The following DAPK3 variants were observed in gnomAD, a reference collection of about 807,000 sequenced individuals.
DAPK3 encodes death-associated protein kinase 3.
DAPK3 carries 24 observed loss-of-function variants against 30.6 expected under a neutral mutation model. The observed-to-expected ratio is 0.78, with a 90% CI of 0.57 to 1.10. The LOEUF (loss-of-function observed/expected upper bound fraction) is 1.10, where lower values mean the gene tolerates loss of function less well. Among genes scored for constraint, DAPK3 ranks in the 50% least tolerant of loss-of-function variants. The probability of loss-of-function intolerance (pLI) is 0.00; values close to 1 mark genes in which losing one functional copy is unlikely to be tolerated. For missense variants in DAPK3, 629 were observed against 657.3 expected (o/e 0.96, Z 0.47); for synonymous variants, 341 against 284.0 (o/e 1.20, Z -2.02).
At position 3,964,974 on chromosome 19, in the gene DAPK3, A is replaced by ACGAT. The variant is rs777906747; in HGVS notation, c.76_79dup (p.Val27AspfsTer78). The ACGAT allele has an allele frequency of 6.2e-6, 10 of 1,602,558 alleles. No homozygotes were observed. The highest frequency in any genetic ancestry group is 3.3e-5 in the South Asian group (3 of 90,882). ...CGTGCCCTTCTGCCGGCACTTCCGCACGATCGCAAACTGGCCGCTGGAGGA... is the reference window on the plus strand; with the variant it reads ...CGTGCCCTTCTGCCGGCACTTCCGCACGATCGATCGCAAACTGGCCGCTGGAGGA... On this transcript the variant is annotated frameshift_variant, in exon 3 of 9. Coordinates refer to ENST00000545797, the MANE Select transcript of DAPK3 (RefSeq NM_001348.3). LOFTEE classifies it high-confidence loss of function.
At chr19:3,959,745 C>A (rs945824421) in intron 8 of DAPK3, 108 bp from the exon 9 acceptor site, 3 of 1,276,540 alleles carry the variant, frequency 2.4e-6, no homozygotes, top group Non-Finnish European at 2.1e-6. Flanking sequence ...GCAGCAGAGT[C>A]AACGCCTCGT....
At chr19:3,959,790 G>A (rs2039484041) in intron 8 of DAPK3, 153 bp from the exon 9 acceptor site, 3 of 920,398 alleles carry the variant, frequency 3.3e-6, no homozygotes, top group Non-Finnish European at 4.8e-6. Context: ...AAAGCCGAGA[G>A]TGCTCTCTCG....
At chr19:3,964,125 G>T in intron 4 of DAPK3, 119 bp downstream of exon 4, 9 of 975,766 alleles carry the variant, frequency 9.2e-6, no homozygotes, top group Admixed American at 2.4e-5. Context: ...GGGCCCAAGA[G>T]GGGTGGCTTC....
intron 7 of DAPK3, 137 bp downstream of exon 7, chr19:3,960,872 C>T (rs1429305351): frequency 2.4e-6 from 2 of 834,186 alleles, no homozygotes; most frequent in Non-Finnish European, 3.7e-6. Context: ...TTTACTCTCT[C>T]CAGCCCAAGG....
At chr19:3,959,987 G>A in intron 8 of DAPK3, 72 bp downstream of exon 8, 2 of 880,586 alleles carry the variant, frequency 2.3e-6, no homozygotes, top group Non-Finnish European at 3.9e-6. Context: ...CTTAAATGCT[G>A]AAGGCCCCCC....
chr19:3,960,915 G>A, intron 7 of DAPK3, 94 bp downstream of exon 7: 2 of 1,336,348 alleles, frequency 1.5e-6, no homozygotes, highest in Admixed American at 1.8e-5. Context: ...GCCGCAGGGA[G>A]GTGGCGCTGG....
chr19:3,964,182 C>G (rs2039549071), intron 4 of DAPK3, 62 bp downstream of exon 4: 1 of 1,445,186 alleles, frequency 6.9e-7, no homozygotes, highest in Non-Finnish European at 9.5e-7. Context: ...CCACCCCACG[C>G]ACAGCAGGCA....
At chr19:3,970,593 C>G (rs907157132) in intron 1 of DAPK3, 4 of 152,432 alleles carry the variant, frequency 2.6e-5, no homozygotes, top group Non-Finnish European at 5.9e-5. Flanking sequence ...CCCCCGCTGA[C>G]CTCCACTGTC....
At chr19:3,965,134 G>C (rs2039564221) in intron 2 of DAPK3, 143 bp from the exon 3 acceptor site, 3 of 608,708 alleles carry the variant, frequency 4.9e-6, no homozygotes, top group East Asian at 2.7e-5. Flanking sequence ...GCCACTGCGG[G>C]GGTGCAGACT....
rs2039628211 is a variant in DAPK3 at position 3,971,019 on chromosome 19, T to C, written c.-193A>G. The C allele has an allele frequency of 6.5e-6, 1 of 153,144 alleles. No individual in the cohort carries two copies. The highest frequency in any genetic ancestry group is 1.9e-4 in the South Asian group (1 of 5,362). 9.5% of individuals were successfully genotyped at this position (153,144 alleles called of 1,614,324 possible). A position where few individuals can be genotyped will look rare whatever the true frequency, so the allele number is the denominator to read the frequency against. ...CCAGCCTCGGCCCGAGCCCGCTCTT[T>C]ACCCTCCGCAGCCCGGAGAATACGG... On this transcript the variant is annotated 5_prime_UTR_variant, in exon 1 of 9. Transcript: ENST00000545797.
chr19:3,961,287 A>C, intron 6 of DAPK3, 126 bp from the exon 7 acceptor site: 1 of 776,774 alleles, frequency 1.3e-6, no homozygotes, highest in East Asian at 2.6e-5. Flanking sequence ...GGCCACTCAC[A>C]CTCCTGAGCC....
At position 3,959,314 on chromosome 19, in the gene DAPK3, CTCCTGCCGTAGCCTCCGCAGG is replaced by C; in HGVS notation, c.1131_1151del (p.Asp377_Gln383del). 1 of 1,593,954 alleles carries C rather than the reference CTCCTGCCGTAGCCTCCGCAGG, an allele frequency of 6.3e-7. No homozygotes were observed. The highest frequency in any genetic ancestry group is 8.5e-7 in the Non-Finnish European group (1 of 1,177,272). ...GCTTGAGCGCCTCGGTCTTGAGCAGCTCCTGCCGTAGCCTCCGCAGGTCCTGGCCCAGGCTGTCGCTCTCCT... is the reference window on the plus strand; with the variant it reads ...GCTTGAGCGCCTCGGTCTTGAGCAGCTCCTGGCCCAGGCTGTCGCTCTCCT... On this transcript the variant is annotated inframe_deletion, in exon 9 of 9. Transcript: ENST00000545797.
At chr19:3,964,540 C>A in intron 3 of DAPK3, 91 bp downstream of exon 3, 2 of 1,442,776 alleles carry the variant, frequency 1.4e-6, no homozygotes, top group South Asian at 2.5e-5. Context: ...ACCTCACCCC[C>A]ACGCGCAGGA....
chr19:3,971,089 GCGCCCCTGCCGCCGCGA>G (rs1568195421), exon 1 of DAPK3: 1 of 153,492 alleles, frequency 6.5e-6, no homozygotes, highest in Non-Finnish European at 1.5e-5. Flanking sequence ...CAGAAGCCCC[GCGCCCCTGCCGCCGCGA>G]CGCGCCTGCG....
chr19:3,962,692 A>C (rs960369639), intron 6 of DAPK3, among the ~76,000 whole-genome samples: 25 of 144,544 alleles, frequency 1.7e-4, no homozygotes, highest in East Asian at 8.6e-4. Flanking sequence ...CATGGGAATC[A>C]CTTGAACCCG....
chr19:3,963,741 C>T (rs1394945221), intron 5 of DAPK3, 72 bp from the exon 6 acceptor site: 3 of 1,348,088 alleles, frequency 2.2e-6, no homozygotes, highest in South Asian at 1.3e-5. Flanking sequence ...TGGCGTCCAG[C>T]GCCCCTGTTC....
At chr19:3,968,535 C>T (rs1292605474) in intron 2 of DAPK3, among the ~76,000 whole-genome samples, 2 of 151,888 alleles carry the variant, frequency 1.3e-5, no homozygotes, top group African/African-American at 2.4e-5. Context: ...AGTCTTAAGT[C>T]ATTCCATCCA....
In DAPK3 at chr19:3,959,624, C is replaced by G; in HGVS notation, c.842G>C (p.Arg281Pro). 6.3e-7 allele frequency: 1 copy of G among 1,580,256 alleles called. No homozygotes were observed. Among genetic ancestry groups the G allele is most frequent in the South Asian group, 1.1e-5 (1 of 88,686 alleles). Reference sequence around the variant, plus strand: ...GCCGCTGTCCTCACCACGCACGTTCCGCCGCCGGATCGCCTAGGAAGGAGG... The same window carrying G: ...GCCGCTGTCCTCACCACGCACGTTCGGCCGCCGGATCGCCTAGGAAGGAGG... ...EHSWIKAIRR[R>P]NVRGEDSGRK... The change falls in exon 9 of 9, where the codon CGG becomes CCG. Residue 281 changes from arginine to proline, a missense_variant. Arg to Pro is a moderately radical substitution (Grantham distance 103). Coordinates refer to ENST00000545797, the MANE Select transcript of DAPK3 (RefSeq NM_001348.3).
rs772750385 is a variant in DAPK3, at chr19:3,963,823, C to T, written c.602+48G>A. 16 of 1,363,104 alleles carry T rather than the reference C, an allele frequency of 1.2e-5. 1 individual carries two copies. The highest frequency in any genetic ancestry group is 7.1e-5 in the East Asian group (3 of 42,132). The allele number at this position is 1,363,104 out of a possible 1,614,324, so 84.4% of individuals were successfully genotyped here. A position where few individuals can be genotyped will look rare whatever the true frequency, so the allele number is the denominator to read the frequency against. ...CATCCCCAGCTGCAGCACTGGCCTG[C>T]GCTCCAGGAATGCAGGGAGGCCCGG... On this transcript the variant is annotated intron_variant, in intron 5 of 8. Coordinates refer to ENST00000545797, the MANE Select transcript of DAPK3 (RefSeq NM_001348.3).
Sources: allele counts gnomAD v4.1 joint callset (sites outside exome capture counted in the v4.1 genomes callset), GRCh38; gene constraint gnomAD v4.1.1; transcripts MANE v1.5; gene names NCBI Gene and HGNC (gene_info 2026-07-23, HGNC 2026-07-21).